FRYL: variants seen among roughly 807,000 people sequenced by gnomAD.
FRYL encodes protein furry homolog-like.
A neutral mutation model predicts 351.2 loss-of-function variants in FRYL; 150 were observed. That is an observed-to-expected ratio of 0.43 (90% CI 0.37 to 0.49). The LOEUF (loss-of-function observed/expected upper bound fraction) is 0.49, where lower values mean the gene tolerates loss of function less well. Ranked by LOEUF, FRYL falls within the 20% of genes least tolerant of loss-of-function variation. The pLI is 0.00. For missense variants in FRYL, 3,036 were observed against 3,619.3 expected, an observed-to-expected ratio of 0.84 and a Z score of 4.13; for synonymous variants, 1,153 against 1,257.1, an observed-to-expected ratio of 0.92 and a Z score of 1.75.
intron 3 of FRYL, among the ~76,000 whole-genome samples, chr4:48,662,892 A>G (rs1258594349): frequency 6.6e-6 from 1 of 152,190 alleles, no homozygotes; most frequent in Non-Finnish European, 1.5e-5. Context: ...TTCAAATATA[A>G]TAGGAAAGTA....
At chr4:48,759,632 G>C (rs1035060874) in intron 1 of FRYL, among the ~76,000 whole-genome samples, 32 of 152,094 alleles carry the variant, frequency 2.1e-4, no homozygotes, top group African/African-American at 7.2e-4. Flanking sequence ...ATTTATTTTT[G>C]TAAGATGAGG....
intron 1 of FRYL, among the ~76,000 whole-genome samples, chr4:48,764,385 G>A (rs2109385353): frequency 6.6e-6 from 1 of 151,810 alleles, no homozygotes; most frequent in African/African-American, 2.4e-5. Flanking sequence ...CAAAAGGTTA[G>A]CCGGGTATGA....
At chr4:48,514,154 A>G (rs539601248) in intron 56 of FRYL, among the ~76,000 whole-genome samples, 1 of 152,284 alleles carries the variant, frequency 6.6e-6, no homozygotes, top group East Asian at 1.9e-4. Flanking sequence ...TGTAATTTTT[A>G]TTGTAAAAGT....
In FRYL at chr4:48,501,374, A is replaced by C. The variant is rs537006887; in HGVS notation, c.8592+249T>G. On this transcript the variant is annotated intron_variant, in intron 62 of 63. Transcript: ENST00000358350. ...CCTGGCTTTTACTTGACTTTTGATT[A>C]TAGATGATCTGTGTCTACTATGGAA... 2.0e-5 allele frequency among the ~76,000 whole-genome samples: 3 copies of C among 152,280 alleles called. No individual in the cohort carries two copies. In the South Asian group the frequency reaches 6.2e-4, roughly 32 times the overall value.
intron 53 of FRYL, among the ~76,000 whole-genome samples, chr4:48,524,595 T>A (rs1342322775): frequency 6.6e-6 from 1 of 152,176 alleles, no homozygotes; most frequent in Non-Finnish European, 1.5e-5. Flanking sequence ...TATCCAGGTT[T>A]TAGAAAATGT....
In FRYL at chr4:48,664,521, G is replaced by T. The variant is rs180817458; in HGVS notation, c.-81+20152C>A. On this transcript the variant is annotated intron_variant, in intron 3 of 63. Coordinates refer to ENST00000358350, the MANE Select transcript of FRYL (RefSeq NM_015030.2). ...TTAAAATATTCAAAGGTGACCCCCA[G>T]GCTTAGCGGACTCAGTAGAAGGTCA... 8.7e-3 allele frequency among the ~76,000 whole-genome samples: 1,325 copies of T among 152,308 alleles called. 10 individuals carry two copies. The highest frequency in any genetic ancestry group is 0.012 in the Non-Finnish European group (799 of 68,026).
chr4:48,536,853 A>T (rs1577998665), intron 47 of FRYL, among the ~76,000 whole-genome samples: 2 of 152,212 alleles, frequency 1.3e-5, no homozygotes, highest in East Asian at 3.8e-4. Context: ...AATTCGGAAG[A>T]TGTTTAATAG....
At chr4:48,564,694 C>G (rs1736361247) in intron 30 of FRYL, among the ~76,000 whole-genome samples, 1 of 152,064 alleles carries the variant, frequency 6.6e-6, no homozygotes, top group African/African-American at 2.4e-5. Flanking sequence ...GAGACACATA[C>G]CACTGTATTA....
chr4:48,637,647 G>C (rs190216856), intron 3 of FRYL: 1 of 152,052 alleles, frequency 6.6e-6, no homozygotes, highest in African/African-American at 2.4e-5. Context: ...AACTCTAACT[G>C]CTAATAATAA....
chr4:48,587,834 C>T (rs571675025), intron 18 of FRYL, among the ~76,000 whole-genome samples: 80 of 152,218 alleles, frequency 5.3e-4, no homozygotes, highest in Non-Finnish European at 1.0e-3. Context: ...CATGAGTCAC[C>T]GCGCCTGGCC....
chr4:48,598,907 C>T (rs1745147858), intron 13 of FRYL: 4 of 919,080 alleles, frequency 4.4e-6, no homozygotes, highest in South Asian at 5.0e-5. Context: ...CAAACATAAA[C>T]ATGAGATGCA....
At chr4:48,602,848 C>A (rs573563895) in intron 12 of FRYL, among the ~76,000 whole-genome samples, 1 of 152,292 alleles carries the variant, frequency 6.6e-6, no homozygotes, top group Admixed American at 6.5e-5. Context: ...TGTTTAGATA[C>A]ACAAATATTA....
intron 4 of FRYL, among the ~76,000 whole-genome samples, chr4:48,632,079 A>AT (rs1354189063): frequency 2.1e-4 from 7 of 32,600 alleles, no homozygotes; most frequent in Non-Finnish European, 4.8e-4. Context: ...AAAAAAAAAA[A>AT]AAAAAAAAAA....
intron 1 of FRYL, among the ~76,000 whole-genome samples, chr4:48,731,901 T>C (rs1291968916): frequency 6.6e-6 from 1 of 152,084 alleles, no homozygotes; most frequent in Non-Finnish European, 1.5e-5. Context: ...CCAAAAGCAA[T>C]GGCAACAGAA....
chr4:48,507,318 G>C (rs6810558), intron 59 of FRYL, among the ~76,000 whole-genome samples: 2 of 152,184 alleles, frequency 1.3e-5, no homozygotes, highest in African/African-American at 4.8e-5. Flanking sequence ...AGACATGGTA[G>C]TTTGTGCTCA....
chr4:48,626,613 A>G (rs954289377), intron 4 of FRYL, among the ~76,000 whole-genome samples: 10 of 152,130 alleles, frequency 6.6e-5, no homozygotes, highest in Non-Finnish European at 1.2e-4. Context: ...GATTATGTTT[A>G]TAAGTACATG....
chr4:48,629,320 A>C (rs1297786048), intron 4 of FRYL, among the ~76,000 whole-genome samples: 1 of 152,196 alleles, frequency 6.6e-6, no homozygotes, highest in Non-Finnish European at 1.5e-5. Context: ...GAACAGTGAA[A>C]TAATTTTTAT....
At chr4:48,724,226 A>C (rs1270086174) in intron 1 of FRYL, among the ~76,000 whole-genome samples, 1 of 152,142 alleles carries the variant, frequency 6.6e-6, no homozygotes, top group African/African-American at 2.4e-5. Flanking sequence ...TTTTACATAA[A>C]AGACAGGGGA....
At chr4:48,509,927 C>G (rs1321339188) in intron 59 of FRYL, 132 bp downstream of exon 59, 4 of 604,718 alleles carry the variant, frequency 6.6e-6, no homozygotes, top group African/African-American at 5.6e-5. Flanking sequence ...CTCAAAGAAC[C>G]TGCTGCTCTC....
Sources: gnomAD v4.1 joint callset for allele counts (sites outside exome capture counted in the v4.1 genomes callset) on GRCh38, gnomAD v4.1.1 for gene constraint, MANE v1.5 for transcripts, NCBI Gene and HGNC (gene_info 2026-07-23, HGNC 2026-07-21) for gene names.